The following CLTCL1 variants were observed in gnomAD, a reference collection of about 807,000 sequenced individuals.
CLTCL1 encodes clathrin heavy chain like 1, also known as clathrin heavy chain 2.
In CLTCL1, 159 loss-of-function variants were observed where a neutral mutation model predicts 190.0. That is an observed-to-expected ratio of 0.84 (90% CI 0.74 to 0.95). The LOEUF (loss-of-function observed/expected upper bound fraction) is 0.95. Ranked by LOEUF, CLTCL1 falls within the 40% of genes least tolerant of loss-of-function variation. CLTCL1 has a pLI of 0.00. For synonymous variants in CLTCL1, 752 were observed against 769.6 expected (o/e 0.98, Z 0.38); for missense variants, 1,878 against 2,033.4 (o/e 0.92, Z 1.47).
intron 18 of CLTCL1, among the ~76,000 whole-genome samples, 161 bp downstream of exon 18, chr22:19,219,724 G>A (rs1442371214): frequency 6.6e-6 from 1 of 151,434 alleles, no homozygotes; most frequent in East Asian, 1.9e-4. Flanking sequence ...GACCTCAAGT[G>A]ATCCACCCAC....
Position 19,271,223 on chromosome 22 carries a change from G to A in CLTCL1, c.250+4400C>T, listed in dbSNP as rs116694786. On this transcript the variant is annotated intron_variant, in intron 2 of 32. Coordinates refer to ENST00000427926, the MANE Select transcript of CLTCL1 (RefSeq NM_007098.4). Reference sequence around the variant, plus strand: ...TACATATAAATACTGAAAAGGTAATGTGATATGGTTTGGTTCTGTGTCCCC... The same window carrying A: ...TACATATAAATACTGAAAAGGTAATATGATATGGTTTGGTTCTGTGTCCCC... 7.3e-3 allele frequency among the ~76,000 whole-genome samples: 1,108 copies of A among 152,262 alleles called. 24 individuals carry two copies. Among genetic ancestry groups the A allele is most frequent in the African/African-American group, 0.025 (1,040 of 41,558 alleles).
chr22:19,289,661 CAGAA>C (rs1325118618), intron 1 of CLTCL1, among the ~76,000 whole-genome samples: 1 of 151,428 alleles, frequency 6.6e-6, no homozygotes, highest in African/African-American at 2.5e-5. Flanking sequence ...AACAACAAGA[CAGAA>C]GGATGAAAAT....
At chr22:19,276,718 G>A (rs928391412) in intron 1 of CLTCL1, among the ~76,000 whole-genome samples, 5 of 152,154 alleles carry the variant, frequency 3.3e-5, no homozygotes, top group South Asian at 2.1e-4. Context: ...TGCCCAGGCT[G>A]GAGTGCAGTG....
chr22:19,233,529 G>A lies in CLTCL1; in HGVS notation c.1261C>T (p.Leu421=), dbSNP rs2085981896. 1 of 1,613,974 alleles carries A rather than the reference G, an allele frequency of 6.2e-7. No individual in the cohort carries two copies. Among genetic ancestry groups the A allele is most frequent in the African/African-American group, 1.3e-5 (1 of 75,052 alleles). Residue 421 remains leucine (L), a synonymous_variant, in exon 8 of 33, where the codon CTG becomes TTG. Coordinates refer to ENST00000427926, the MANE Select transcript of CLTCL1 (RefSeq NM_007098.4). ...ASPLLQYFGI[L]LDQGQLNKLE... ...TTATTGAGCTGACCCTGGTCGAGCA[G>A]GATTCCGAAGTACTGCAGCAATGGA...
rs781858346 is a variant in CLTCL1, at chr22:19,226,272, C to G, written c.1894G>C (p.Asp632His). ...ACAGCCCTCTTGATGTCATAGAGGT[C>G]GGTGTAGTGCTCCAGTGCTTGCTGC... is the stretch of plus-strand genomic sequence containing the variant. ...LLQQALEHYT[D>H]LYDIKRAVVH... is the part of the protein sequence containing the mutation. Residue 632 changes from aspartate to histidine, a missense_variant, in exon 12 of 33, where the codon GAC becomes CAC. Coordinates refer to ENST00000427926, the MANE Select transcript of CLTCL1 (RefSeq NM_007098.4). 1.2e-6 allele frequency: 2 copies of G among 1,613,850 alleles called. No homozygotes were observed. The highest frequency in any genetic ancestry group is 2.2e-5 in the South Asian group (2 of 91,072).
chr22:19,272,689 T>TCG (rs2087361795), intron 2 of CLTCL1, among the ~76,000 whole-genome samples: 1 of 152,134 alleles, frequency 6.6e-6, no homozygotes, highest in East Asian at 1.9e-4. Context: ...CAGGCTGGTC[T>TCG]CGAACTCCCG....
chr22:19,261,447 T>C (rs1195094949), intron 2 of CLTCL1, among the ~76,000 whole-genome samples: 1 of 152,164 alleles, frequency 6.6e-6, no homozygotes, highest in African/African-American at 2.4e-5. Flanking sequence ...CTGCCATAAA[T>C]ATGTCTCCTT....
At chr22:19,258,891 T>C in intron 2 of CLTCL1, 1 of 441,700 alleles carries the variant, frequency 2.3e-6, no homozygotes, top group Non-Finnish European at 4.1e-6. Context: ...ATTAAAATCA[T>C]AAAATGTTTA....
At position 19,196,363 on chromosome 22, in the gene CLTCL1, T is replaced by C. The variant is rs782553621; in HGVS notation, c.4094A>G (p.Tyr1365Cys). Residue 1365 changes from tyrosine (Y) to cysteine (C), a missense_variant, in exon 26 of 33, where the codon TAT (tyrosine) becomes TGT (cysteine). Tyr to Cys is a radical substitution (Grantham distance 194). Transcript: ENST00000427926. ...ATTGTCATACTCCTCGTACTTGTCA[T>C]AGAGGAACACCAGCTCAGCCCACAG... ...AHLWAELVFL[Y>C]DKYEEYDNAV... 8 of 1,614,018 alleles carry C rather than the reference T, an allele frequency of 5.0e-6. No homozygotes were observed. The South Asian group carries it at 5.5e-5, about 11-fold the overall frequency.
In CLTCL1 at chr22:19,276,836, T is replaced by A. The variant is rs1379227143; in HGVS notation, c.43-1006A>T. The stretch of plus-strand genomic sequence containing the variant: ...AGGCGCCCGCCACCACGCCTGGCTA[T>A]TTTTTGTATTTTTTTTTAGTAGAGA... On this transcript the variant is annotated intron_variant, in intron 1 of 32. Transcript: ENST00000427926. 3.3e-5 allele frequency among the ~76,000 whole-genome samples: 5 copies of A among 151,956 alleles called. No homozygotes were observed. The East Asian group carries it at 7.8e-4, about 24-fold the overall frequency.
intron 26 of CLTCL1, among the ~76,000 whole-genome samples, chr22:19,195,893 C>T (rs1031730114): frequency 6.6e-6 from 1 of 151,846 alleles, no homozygotes; most frequent in Non-Finnish European, 1.5e-5. Flanking sequence ...ACAATAACCA[C>T]AGGAAGTGGG....
intron 19 of CLTCL1, 108 bp from the exon 20 acceptor site, chr22:19,210,617 T>G: frequency 1.3e-6 from 1 of 754,920 alleles, no homozygotes; most frequent in Non-Finnish European, 2.1e-6. Flanking sequence ...AAAAAGTAAT[T>G]AATATACACA....
chr22:19,212,317 T>C (rs1601533485), intron 19 of CLTCL1, among the ~76,000 whole-genome samples: 1 of 150,026 alleles, frequency 6.7e-6, no homozygotes, highest in East Asian at 2.0e-4. Context: ...CCCAGCACTT[T>C]GGGAGGCCAA....
In CLTCL1 at chr22:19,221,363, C is replaced by T. The variant is rs1237957594; in HGVS notation, c.2796+14G>A. ...CCAGGGTTACATGGGCAGCTCAGCA[C>T]ATCTGCTACCCACCTTGATGAGCTC... On this transcript the variant is annotated intron_variant, in intron 17 of 32. Coordinates refer to ENST00000427926, the MANE Select transcript of CLTCL1 (RefSeq NM_007098.4). The T allele has an allele frequency of 1.3e-6, 2 of 1,531,914 alleles. No individual in the cohort carries two copies. 94.9% of individuals were successfully genotyped at this position (1,531,914 alleles called of 1,614,324 possible). A position where few individuals can be genotyped will look rare whatever the true frequency, so the allele number is the denominator to read the frequency against.
intron 3 of CLTCL1, among the ~76,000 whole-genome samples, chr22:19,251,745 C>A (rs187613630): frequency 6.6e-6 from 1 of 152,214 alleles, no homozygotes; most frequent in Non-Finnish European, 1.5e-5. Flanking sequence ...CGTGAGCCAC[C>A]GTGCCCAGCC....
intron 29 of CLTCL1, chr22:19,184,458 G>A: frequency 2.2e-6 from 1 of 455,988 alleles, no homozygotes; most frequent in Non-Finnish European, 4.4e-6. Context: ...TGGACCCGAT[G>A]TGCTGAGCTG....
At chr22:19,280,523 T>TAA (rs1183100171) in intron 1 of CLTCL1, among the ~76,000 whole-genome samples, 3 of 150,396 alleles carry the variant, frequency 2.0e-5, no homozygotes, top group South Asian at 2.1e-4. Flanking sequence ...TTATGCTAAG[T>TAA]AAAAAAAAAC....
chr22:19,219,730 C>T (rs2085507608), intron 18 of CLTCL1, among the ~76,000 whole-genome samples, 155 bp downstream of exon 18: 1 of 152,216 alleles, frequency 6.6e-6, no homozygotes, highest in African/African-American at 2.4e-5. Flanking sequence ...AAGTGATCCA[C>T]CCACCTCCGC....
At chr22:19,278,130 G>A (rs548037470) in intron 1 of CLTCL1, among the ~76,000 whole-genome samples, 13 of 152,284 alleles carry the variant, frequency 8.5e-5, no homozygotes, top group Admixed American at 5.2e-4. Flanking sequence ...GGACCTCCAT[G>A]TGTTCAGCTA....
Sources: gnomAD v4.1 joint callset for allele counts (sites outside exome capture counted in the v4.1 genomes callset) on GRCh38, gnomAD v4.1.1 for gene constraint, MANE v1.5 for transcripts, NCBI Gene and HGNC (gene_info 2026-07-23, HGNC 2026-07-21) for gene names.